The following CASZ1 variants were observed in gnomAD, a reference collection of about 807,000 sequenced individuals.
The protein encoded by CASZ1 is zinc finger protein castor homolog 1.
In CASZ1, 28 loss-of-function variants were observed where a neutral mutation model predicts 135.2. The observed-to-expected ratio is 0.21, with a 90% CI of 0.15 to 0.28. The LOEUF is 0.28. CASZ1 is among the 10% of genes least tolerant of loss of function. The pLI is 1.00. For synonymous variants in CASZ1, 1,068 were observed against 1,073.4 expected (o/e 0.99, Z 0.10); for missense variants, 2,161 against 2,453.3 (o/e 0.88, Z 2.52).
Position 10,706,599 on chromosome 1 carries a change from C to T in CASZ1, c.-76-1055G>A, listed in dbSNP as rs1639178181. On this transcript the variant is annotated intron_variant, in intron 2 of 20. Transcript: ENST00000377022. The surrounding 1 kb of genome is among the most constrained non-coding windows in gnomAD (Gnocchi z 4.3). ...GAATGCCACCCAGTCCCACCGCCCG[C>T]TCTCCGGTTCCCAGGACATATTTAG... Among the ~76,000 whole-genome samples the T allele has an allele frequency of 6.6e-6, 1 of 152,246 alleles. No individual in the cohort carries two copies. The highest frequency in any genetic ancestry group is 1.5e-5 in the Non-Finnish European group (1 of 68,032).
intron 4 of CASZ1, among the ~76,000 whole-genome samples, chr1:10,690,139 G>A: frequency 6.6e-6 from 1 of 152,220 alleles, no homozygotes; most frequent in East Asian, 1.9e-4. Flanking sequence ...CCTAAACCCG[G>A]CGTGGAATCT....
intron 4 of CASZ1, among the ~76,000 whole-genome samples, chr1:10,683,692 G>A (rs284261): frequency 0.038 from 5,835 of 152,156 alleles, 384 homozygotes; most frequent in African/African-American, 0.13. Context: ...GTCGGAGTGC[G>A]TTCCACCCAC....
intron 5 of CASZ1, among the ~76,000 whole-genome samples, chr1:10,661,797 T>G (rs2100271080): frequency 7.1e-6 from 1 of 140,948 alleles, no homozygotes; most frequent in Middle Eastern, 4.5e-3. Context: ...ACACATCCAT[T>G]CTCACACACA....
Position 10,666,707 on chromosome 1 carries a change from C to A in CASZ1, c.17-1136G>T, listed in dbSNP as rs1179125531. ...CCCAAACTCTGTCCCTGATAGGGCACCGAGGGTCCTGGGGGGGCATACGGC... is the reference window on the plus strand; with the variant it reads ...CCCAAACTCTGTCCCTGATAGGGCAACGAGGGTCCTGGGGGGGCATACGGC... On this transcript the variant is annotated intron_variant, in intron 4 of 20. Coordinates refer to ENST00000377022, the MANE Select transcript of CASZ1 (RefSeq NM_001079843.3). The surrounding 1 kb of genome is among the most constrained non-coding windows in gnomAD (Gnocchi z 5.2). Among the ~76,000 whole-genome samples, 2 of 152,308 alleles carry A rather than the reference C, an allele frequency of 1.3e-5. No individual in the cohort carries two copies. The highest frequency in any genetic ancestry group is 2.1e-4 in the South Asian group (1 of 4,824).
chr1:10,715,224 G>A (rs555509951), intron 2 of CASZ1, among the ~76,000 whole-genome samples: 2 of 152,290 alleles, frequency 1.3e-5, no homozygotes, highest in South Asian at 4.1e-4. Context: ...TGTGGGCCTT[G>A]GCAAGCTTTG....
At chr1:10,787,302 AG>A (rs1055813585) in intron 1 of CASZ1, among the ~76,000 whole-genome samples, 66 of 152,324 alleles carry the variant, frequency 4.3e-4, no homozygotes, top group African/African-American at 1.5e-3. Context: ...GGCTCGCAGA[AG>A]GGTAGGGGAG....
rs1475094634 is a variant in CASZ1 at position 10,756,775 on chromosome 1, G to T, written c.-77+3926C>A. On this transcript the variant is annotated intron_variant, in intron 2 of 20. Coordinates refer to ENST00000377022, the MANE Select transcript of CASZ1 (RefSeq NM_001079843.3). The surrounding 1 kb of genome is among the most constrained non-coding windows in gnomAD (Gnocchi z 5.9). ...AGCAGATGAGCAGCGGCTGGAGGCT[G>T]AGCTGACCCCATGGAAATATGGGGG... 6.6e-6 allele frequency among the ~76,000 whole-genome samples: 1 copy of T among 152,182 alleles called. No homozygotes were observed. Among genetic ancestry groups the T allele is most frequent in the Admixed American group, 6.5e-5 (1 of 15,280 alleles).
chr1:10,639,152 T>C lies in CASZ1; in HGVS notation c.5070A>G (p.Glu1690=). 1.9e-6 allele frequency: 2 copies of C among 1,078,790 alleles called. No individual in the cohort carries two copies. The highest frequency in any genetic ancestry group is 2.3e-6 in the Non-Finnish European group (2 of 877,232). The allele number at this position is 1,078,790 out of a possible 1,614,324, so 66.8% of individuals were successfully genotyped here. A position where few individuals can be genotyped will look rare whatever the true frequency, so the allele number is the denominator to read the frequency against. ...CGTCGTCGTCCTCGTCCTCGTCGTC[T>C]TCGGCCTCCTCCTCCGGCAGCTCCA... The part of the protein sequence containing the change: ...EELELPEEEA[E]DDEDEDDDED... Residue 1690 remains glutamate, a synonymous_variant, in exon 21 of 21, where the codon GAA becomes GAG. Transcript: ENST00000377022. The surrounding 1 kb of genome is among the most constrained non-coding windows in gnomAD (Gnocchi z 4.0).
rs769876262 is a variant in CASZ1, at chr1:10,726,188, G to A, written c.-76-20644C>T. On this transcript the variant is annotated intron_variant, in intron 2 of 20. Transcript: ENST00000377022. This position sits in a 1 kb window ranked among gnomAD's most constrained non-coding sequence, Gnocchi z 5.7. ...TTAGTGTTTATGGAGGGCTGACCGC[G>A]TCCCAGGCAGAGTGAAGTCGGTTTT... 3.9e-5 allele frequency among the ~76,000 whole-genome samples: 6 copies of A among 152,108 alleles called. No individual in the cohort carries two copies. The highest frequency in any genetic ancestry group is 1.9e-4 in the East Asian group (1 of 5,200).
chr1:10,751,097 AT>A (rs1235151673), intron 2 of CASZ1, among the ~76,000 whole-genome samples: 1 of 151,524 alleles, frequency 6.6e-6, no homozygotes, highest in African/African-American at 2.4e-5. Flanking sequence ...AATTATTATT[AT>A]TATTATTGTG....
At position 10,779,934 on chromosome 1, in the gene CASZ1, G is replaced by A. The variant is rs140731439; in HGVS notation, c.-234+16630C>T. Reference sequence around the variant, plus strand: ...TTGCCCGAGTGACCCAGATCACCTGGCCCTTGGGGATCTGGCCTGGGAGTG... The same window carrying A: ...TTGCCCGAGTGACCCAGATCACCTGACCCTTGGGGATCTGGCCTGGGAGTG... On this transcript the variant is annotated intron_variant, in intron 1 of 20. Transcript: ENST00000377022. 3.0e-3 allele frequency among the ~76,000 whole-genome samples: 462 copies of A among 152,272 alleles called. 3 individuals are homozygous for A. Among genetic ancestry groups the A allele is most frequent in the African/African-American group, 0.011 (440 of 41,558 alleles).
intron 4 of CASZ1, among the ~76,000 whole-genome samples, chr1:10,673,029 G>A (rs1384794321): frequency 4.6e-5 from 7 of 152,014 alleles, no homozygotes; most frequent in Admixed American, 4.6e-4. Flanking sequence ...CACGGTGGAC[G>A]GCGTTGGGGT....
chr1:10,659,646 C>T (rs970205255), intron 6 of CASZ1, 56 bp downstream of exon 6: 6 of 1,405,230 alleles, frequency 4.3e-6, no homozygotes, highest in African/African-American at 4.2e-5. Flanking sequence ...AGGAAGGAGG[C>T]CTCCTGTCTA....
At chr1:10,789,345 C>T (rs368234640) in intron 1 of CASZ1, among the ~76,000 whole-genome samples, 2 of 151,346 alleles carry the variant, frequency 1.3e-5, no homozygotes, top group African/African-American at 4.9e-5. Flanking sequence ...CTGCCACTTC[C>T]CCAGGGCCTC....
chr1:10,743,347 G>A (rs1639964616), intron 2 of CASZ1, among the ~76,000 whole-genome samples: 1 of 151,534 alleles, frequency 6.6e-6, no homozygotes, highest in Admixed American at 6.6e-5. Flanking sequence ...CACGGTCGGA[G>A]AAGGAGACTA....
intron 1 of CASZ1, among the ~76,000 whole-genome samples, chr1:10,787,457 G>A (rs1640878637): frequency 6.6e-6 from 1 of 152,222 alleles, no homozygotes; most frequent in African/African-American, 2.4e-5. Flanking sequence ...GTGGGGACGA[G>A]TGGGCCCAGA....
chr1:10,749,134 T>A (rs981963801), intron 2 of CASZ1, among the ~76,000 whole-genome samples: 1 of 152,150 alleles, frequency 6.6e-6, no homozygotes, highest in Non-Finnish European at 1.5e-5. Flanking sequence ...GAGCTCTCCG[T>A]CTTCCCTGAG....
chr1:10,764,185 A>C (rs960005877), intron 1 of CASZ1, among the ~76,000 whole-genome samples: 1 of 152,086 alleles, frequency 6.6e-6, no homozygotes, highest in Non-Finnish European at 1.5e-5. Flanking sequence ...TTTTGTGCCC[A>C]TTCTGTTTAG....
chr1:10,667,571 G>T (rs562144975), intron 4 of CASZ1, among the ~76,000 whole-genome samples: 1 of 152,148 alleles, frequency 6.6e-6, no homozygotes, highest in Non-Finnish European at 1.5e-5. Flanking sequence ...GTTCTGTGAC[G>T]CCGGGTGTCC....
Sources: gnomAD v4.1 joint callset for allele counts (sites outside exome capture counted in the v4.1 genomes callset) on GRCh38, gnomAD v4.1.1 for gene constraint, Gnocchi (gnomAD v3.1) non-coding constraint, MANE v1.5 for transcripts, NCBI Gene and HGNC (gene_info 2026-07-23, HGNC 2026-07-21) for gene names.